Variants in LRMDA observed in about 807,000 individuals in gnomAD.
The protein encoded by LRMDA is leucine-rich melanocyte differentiation-associated protein.
In LRMDA, 18 loss-of-function variants were observed where a neutral mutation model predicts 29.8. That is an observed-to-expected ratio of 0.60 (90% confidence interval 0.42 to 0.90). The LOEUF is 0.90. LRMDA is among the 40% of genes least tolerant of loss of function. The probability of loss-of-function intolerance (pLI) is 0.00; values close to 1 mark genes in which losing one functional copy is unlikely to be tolerated. For synonymous variants in LRMDA, 125 were observed against 109.4 expected, an observed-to-expected ratio of 1.14 and a Z score of -0.89; for missense variants, 273 against 273.9, an observed-to-expected ratio of 1.00 and a Z score of 0.02.
chr10:76,190,796 C>A (rs142200669), intron 5 of LRMDA, among the ~76,000 whole-genome samples: 6 of 152,266 alleles, frequency 3.9e-5, no homozygotes, highest in African/African-American at 1.2e-4. Flanking sequence ...CATTAATAGG[C>A]CTTCCAAAAC....
At chr10:75,748,380 C>A (rs747154734) in intron 2 of LRMDA, among the ~76,000 whole-genome samples, 1 of 152,146 alleles carries the variant, frequency 6.6e-6, no homozygotes, top group African/African-American at 2.4e-5. Context: ...AGGTGTAAAC[C>A]CCCATGCCTG....
chr10:76,056,405 T>C (rs1027037041), intron 4 of LRMDA, among the ~76,000 whole-genome samples: 1 of 152,064 alleles, frequency 6.6e-6, no homozygotes. Context: ...GATGGTGGGG[T>C]TTCACCGGGG....
chr10:76,442,807 C>T lies in LRMDA; in HGVS notation c.602-114402C>T, dbSNP rs553232459. ...GAAATATTTGTTTGCTGAGCTTCTG[C>T]GACAAGTCTTACGTAATGAATAAAC... On this transcript the variant is annotated intron_variant, in intron 6 of 6. Transcript: ENST00000611255. Among the ~76,000 whole-genome samples, 6 of 152,250 alleles carry T rather than the reference C, an allele frequency of 3.9e-5. No homozygotes were observed. The South Asian group carries it at 1.0e-3, about 26-fold the overall frequency.
chr10:75,946,659 A>G (rs575893087), intron 2 of LRMDA, among the ~76,000 whole-genome samples: 1 of 152,220 alleles, frequency 6.6e-6, no homozygotes, highest in Non-Finnish European at 1.5e-5. Context: ...AAATGGAAAC[A>G]GTAAATATTT....
intron 6 of LRMDA, among the ~76,000 whole-genome samples, chr10:76,484,018 C>T (rs908255017): frequency 1.1e-4 from 17 of 151,868 alleles, no homozygotes; most frequent in African/African-American, 3.1e-4. Context: ...AACATCTGCT[C>T]ATGTTACTCT....
intron 2 of LRMDA, among the ~76,000 whole-genome samples, chr10:75,696,589 A>AGAGTATAATAATT (rs1188386411): frequency 6.6e-6 from 1 of 152,248 alleles, no homozygotes; most frequent in South Asian, 2.1e-4. Context: ...TGATGACTGA[A>AGAGTATAATAATT]GAGTATAATA....
chr10:75,902,384 G>C (rs1845689741), intron 2 of LRMDA, among the ~76,000 whole-genome samples: 1 of 152,154 alleles, frequency 6.6e-6, no homozygotes, highest in African/African-American at 2.4e-5. Context: ...TTATCCCATA[G>C]GGGTGGGAGG....
chr10:75,472,454 C>G (rs1226522376), intron 2 of LRMDA, among the ~76,000 whole-genome samples: 1 of 152,204 alleles, frequency 6.6e-6, no homozygotes, highest in Non-Finnish European at 1.5e-5. Flanking sequence ...GTTACCCAAG[C>G]CCAGGCAAGA....
chr10:76,481,185 G>A (rs1274215805), intron 6 of LRMDA, among the ~76,000 whole-genome samples: 1 of 151,842 alleles, frequency 6.6e-6, no homozygotes, highest in Non-Finnish European at 1.5e-5. Flanking sequence ...AGGAGATAAA[G>A]CTTACGTATA....
At chr10:76,509,083 G>A (rs1443475555) in intron 6 of LRMDA, among the ~76,000 whole-genome samples, 1 of 152,124 alleles carries the variant, frequency 6.6e-6, no homozygotes, top group African/African-American at 2.4e-5. Context: ...TTGTTCCATA[G>A]TGGATACTCA....
intron 2 of LRMDA, among the ~76,000 whole-genome samples, chr10:75,569,756 T>A (rs1231614109): frequency 2.0e-5 from 3 of 152,212 alleles, no homozygotes; most frequent in Non-Finnish European, 1.5e-5. Context: ...CTGAAGGGAT[T>A]GGTTTTAGCA....
chr10:75,892,895 C>A (rs1845517933), intron 2 of LRMDA, among the ~76,000 whole-genome samples: 1 of 152,142 alleles, frequency 6.6e-6, no homozygotes. Context: ...CAATTCAGAG[C>A]CCCCATGGGA....
At chr10:75,665,085 T>C (rs946960865) in intron 2 of LRMDA, among the ~76,000 whole-genome samples, 1 of 152,196 alleles carries the variant, frequency 6.6e-6, no homozygotes, top group Admixed American at 6.5e-5. Context: ...GAAGCCTCCA[T>C]AGAAGAAATA....
At chr10:76,252,982 G>A (rs1355754404) in intron 5 of LRMDA, among the ~76,000 whole-genome samples, 1 of 152,204 alleles carries the variant, frequency 6.6e-6, no homozygotes, top group African/African-American at 2.4e-5. Context: ...CCCAGGACAT[G>A]CAGACAGTTG....
chr10:75,820,760 T>C (rs1442572049), intron 2 of LRMDA, among the ~76,000 whole-genome samples: 1 of 152,082 alleles, frequency 6.6e-6, no homozygotes, highest in Non-Finnish European at 1.5e-5. Context: ...ATAAAATTAA[T>C]AGACCACTAA....
intron 6 of LRMDA, among the ~76,000 whole-genome samples, chr10:76,508,188 G>A (rs916551140): frequency 6.6e-6 from 1 of 152,030 alleles, no homozygotes; most frequent in African/African-American, 2.4e-5. Flanking sequence ...CTTGGTTAAG[G>A]GGAAATCTGT....
At chr10:75,716,996 C>T (rs927076211) in intron 2 of LRMDA, among the ~76,000 whole-genome samples, 2 of 152,118 alleles carry the variant, frequency 1.3e-5, no homozygotes, top group African/African-American at 4.8e-5. Flanking sequence ...TCTCTCTTTT[C>T]CCATCCCCTT....
chr10:75,815,645 A>G (rs536773349), intron 2 of LRMDA, among the ~76,000 whole-genome samples: 1 of 152,316 alleles, frequency 6.6e-6, no homozygotes, highest in Admixed American at 6.5e-5. Context: ...AGGTCAGTGA[A>G]TAACTACAGT....
chr10:75,906,618 G>A (rs1013556135), intron 2 of LRMDA, among the ~76,000 whole-genome samples: 1 of 152,220 alleles, frequency 6.6e-6, no homozygotes, highest in Non-Finnish European at 1.5e-5. Context: ...TTATATGTAT[G>A]TTTTAATAGC....
Sources: gnomAD v4.1 joint callset for allele counts (sites outside exome capture counted in the v4.1 genomes callset) on GRCh38, gnomAD v4.1.1 for gene constraint, MANE v1.5 for transcripts, NCBI Gene and HGNC (gene_info 2026-07-23, HGNC 2026-07-21) for gene names.